Variants in BANP observed in about 807,000 individuals in gnomAD.
BANP encodes the protein protein BANP.
Under a neutral mutation model 68.1 loss-of-function variants are expected in BANP, and 11 were observed. The observed-to-expected ratio is 0.16, with a 90% CI of 0.10 to 0.27. The LOEUF (loss-of-function observed/expected upper bound fraction) is 0.27. Among genes scored for constraint, BANP ranks in the 10% least tolerant of loss-of-function variants. The pLI, the probability that BANP is intolerant of heterozygous loss-of-function variation, is 1.00. For synonymous variants in BANP, 329 were observed against 303.2 expected, an observed-to-expected ratio of 1.09 and a Z score of -0.88; for missense variants, 504 against 722.7, an observed-to-expected ratio of 0.70 and a Z score of 3.47.
chr16:88,032,487 C>T (rs1400642620), intron 8 of BANP, among the ~76,000 whole-genome samples: 1 of 152,220 alleles, frequency 6.6e-6, no homozygotes, highest in African/African-American at 2.4e-5. Flanking sequence ...CAGGTGTGAG[C>T]CACCGTGTCC....
At chr16:88,016,760 C>T (rs6540147) in intron 6 of BANP, among the ~76,000 whole-genome samples, 142,356 of 152,280 alleles carry the variant, frequency 0.93, 67,314 homozygotes, top group East Asian at 1. Context: ...TAATAGTGGC[C>T]GACCGACGGA....
chr16:87,979,192 G>C (rs1264711695), intron 2 of BANP, among the ~76,000 whole-genome samples: 2 of 152,146 alleles, frequency 1.3e-5, no homozygotes, highest in African/African-American at 4.8e-5. Flanking sequence ...TTCCTGTTAA[G>C]ATCTTCGGAA....
At chr16:87,990,579 C>G (rs2065658825) in intron 4 of BANP, among the ~76,000 whole-genome samples, 1 of 152,172 alleles carries the variant, frequency 6.6e-6, no homozygotes, top group East Asian at 1.9e-4. Context: ...GCTTTAGAAT[C>G]TGACAAACTC....
At position 88,006,070 on chromosome 16, in the gene BANP, G is replaced by T; in HGVS notation, c.480-20G>T. On this transcript the variant is annotated intron_variant, in intron 5 of 13. Coordinates refer to ENST00000682872, the MANE Select transcript of BANP (RefSeq NM_001386991.1). The stretch of plus-strand genomic sequence containing the variant: ...GCGGCTCTTACCACATCGGGCTGGT[G>T]TGTTTTTTTTCCCGTTTAGCGCTGT... The T allele has an allele frequency of 6.2e-7, 1 of 1,613,492 alleles. No individual in the cohort carries two copies. Among genetic ancestry groups the T allele is most frequent in the Non-Finnish European group, 8.5e-7 (1 of 1,179,836 alleles).
At chr16:87,968,170 G>A (rs1361514341) in intron 1 of BANP, among the ~76,000 whole-genome samples, 1 of 151,818 alleles carries the variant, frequency 6.6e-6, no homozygotes, top group East Asian at 1.9e-4. Flanking sequence ...GCTTTTGACT[G>A]AAGACTACTG....
chr16:87,995,400 C>G (rs1298550004), intron 4 of BANP, among the ~76,000 whole-genome samples: 1 of 152,152 alleles, frequency 6.6e-6, no homozygotes, highest in Non-Finnish European at 1.5e-5. Flanking sequence ...CATAAATGTC[C>G]ATGGGAGAAA....
Position 87,975,034 on chromosome 16 carries a change from C to A in BANP, c.-68-14C>A. 8.3e-7 allele frequency: 1 copy of A among 1,211,422 alleles called. No homozygotes were observed. The highest frequency in any genetic ancestry group is 1.2e-5 in the South Asian group (1 of 81,136). The allele number at this position is 1,211,422 out of a possible 1,614,324, so 75.0% of individuals were successfully genotyped here. On this transcript the variant is annotated splice_polypyrimidine_tract_variant and intron_variant, in intron 1 of 13. Coordinates refer to ENST00000682872, the MANE Select transcript of BANP (RefSeq NM_001386991.1). Reference sequence around the variant, plus strand: ...GTTAATGTCCTCTCCTCCTCCTTTGCTTCTGTTTGGTAGGTGACCAAAAGC... The same window carrying A: ...GTTAATGTCCTCTCCTCCTCCTTTGATTCTGTTTGGTAGGTGACCAAAAGC...
At position 88,057,482 on chromosome 16, in the gene BANP, G is replaced by A. The variant is rs1347691219; in HGVS notation, c.1312-7785G>A. 6.6e-6 allele frequency among the ~76,000 whole-genome samples: 1 copy of A among 152,024 alleles called. No homozygotes were observed. The highest frequency in any genetic ancestry group is 1.5e-5 in the Non-Finnish European group (1 of 67,998). On this transcript the variant is annotated intron_variant, in intron 11 of 13. Transcript: ENST00000682872. This position sits in a 1 kb window ranked among gnomAD's most constrained non-coding sequence, Gnocchi z 4.6. ...GAGACTCTTGCGGTCCCCTCCACGT[G>A]TTCACCTCGTCAGAGTCAAGAAACG...
intron 1 of BANP, among the ~76,000 whole-genome samples, chr16:87,966,114 C>T (rs942591306): frequency 2.6e-5 from 4 of 152,260 alleles, no homozygotes; most frequent in African/African-American, 9.6e-5. Flanking sequence ...CTATCATATT[C>T]TGGAGATCTT....
At chr16:88,032,708 GT>G (rs2078462455) in intron 8 of BANP, among the ~76,000 whole-genome samples, 1 of 152,216 alleles carries the variant, frequency 6.6e-6, no homozygotes, top group Admixed American at 6.5e-5. Context: ...AACACAGCAA[GT>G]AAAATTTGTT....
Position 87,969,230 on chromosome 16 carries a change from TTTGTTG to T in BANP, c.-68-5794_-68-5789del, listed in dbSNP as rs72032414. Among the ~76,000 whole-genome samples the T allele has an allele frequency of 5.4e-3, 820 of 150,496 alleles. 5 individuals are homozygous for T. The highest frequency in any genetic ancestry group is 6.5e-3 in the Admixed American group (98 of 15,116). On this transcript the variant is annotated intron_variant, in intron 1 of 13. Transcript: ENST00000682872. ...TGCTAAAAACAATGCCTTACGTTGT[TTTGTTG>T]TTGTTGTTGTTGTTGTTGTTGTTTG...
intron 1 of BANP, among the ~76,000 whole-genome samples, chr16:87,961,440 AC>A (rs1477708946): frequency 7.2e-6 from 1 of 138,244 alleles, no homozygotes; most frequent in African/African-American, 2.6e-5. Context: ...TGCTGGGATT[AC>A]GGGCGTGAGC....
At position 88,036,051 on chromosome 16, in the gene BANP, C is replaced by G. The variant is rs1598709693; in HGVS notation, c.1272+657C>G. 6.6e-6 allele frequency among the ~76,000 whole-genome samples: 1 copy of G among 152,224 alleles called. No individual in the cohort carries two copies. The highest frequency in any genetic ancestry group is 2.1e-4 in the South Asian group (1 of 4,832). On this transcript the variant is annotated intron_variant, in intron 10 of 13. Coordinates refer to ENST00000682872, the MANE Select transcript of BANP (RefSeq NM_001386991.1). The surrounding 1 kb of genome is among the most constrained non-coding windows in gnomAD (Gnocchi z 4.2). ...GCCGAGGCCAGCCTGTTGCGATGCT[C>G]CATGTTTGCATGCCAGAGCAGGACT... is the stretch of plus-strand genomic sequence containing the variant.
At chr16:87,982,850 C>G (rs941605790) in intron 3 of BANP, 5 of 152,258 alleles carry the variant, frequency 3.3e-5, no homozygotes, top group African/African-American at 1.2e-4. Flanking sequence ...GATATCACTG[C>G]AGTTTTGATA....
intron 6 of BANP, among the ~76,000 whole-genome samples, chr16:88,008,939 C>G (rs1451862464): frequency 6.6e-6 from 1 of 152,232 alleles, no homozygotes; most frequent in Non-Finnish European, 1.5e-5. Flanking sequence ...GTTTCACTGA[C>G]TGTCCTTGGG....
intron 11 of BANP, among the ~76,000 whole-genome samples, chr16:88,055,821 T>C (rs1200930468): frequency 6.6e-6 from 1 of 152,146 alleles, no homozygotes; most frequent in East Asian, 1.9e-4. Flanking sequence ...ATTCCTGCAT[T>C]ACATGCCAAA....
intron 9 of BANP, 38 bp downstream of exon 9, chr16:88,033,283 G>GC: frequency 6.7e-7 from 1 of 1,501,780 alleles, no homozygotes; most frequent in South Asian, 1.3e-5. Flanking sequence ...GGGAAAGGGG[G>GC]CTGCGGGGTG....
In BANP at chr16:87,975,085, TC is replaced by T; in HGVS notation, c.-30del. 6.3e-7 allele frequency: 1 copy of T among 1,596,300 alleles called. No homozygotes were observed. The highest frequency in any genetic ancestry group is 1.1e-5 in the South Asian group (1 of 90,732). ...CAGCCCCACTGTGAGTTGAACTCTTTCGTGTTGACCGGCCACTCTCCGTGCT... is the reference window on the plus strand; with the variant it reads ...CAGCCCCACTGTGAGTTGAACTCTTTGTGTTGACCGGCCACTCTCCGTGCT... On this transcript the variant is annotated 5_prime_UTR_variant, in exon 2 of 14. Transcript: ENST00000682872.
At chr16:87,995,849 C>T (rs557438836) in intron 4 of BANP, among the ~76,000 whole-genome samples, 7 of 152,346 alleles carry the variant, frequency 4.6e-5, no homozygotes, top group South Asian at 2.1e-4. Flanking sequence ...GCAGCGCGCC[C>T]GGCCTTGTTC....
Sources: gnomAD v4.1 joint callset for allele counts (sites outside exome capture counted in the v4.1 genomes callset) on GRCh38, gnomAD v4.1.1 for gene constraint, Gnocchi (gnomAD v3.1) non-coding constraint, MANE v1.5 for transcripts, NCBI Gene and HGNC (gene_info 2026-07-23, HGNC 2026-07-21) for gene names.